SUGCT: variants seen among roughly 807,000 people sequenced by gnomAD.
The protein encoded by SUGCT is succinyl-CoA:glutarate CoA-transferase.
In SUGCT, 41 loss-of-function variants were observed where a neutral mutation model predicts 55.0. The ratio of observed to expected loss-of-function variants is 0.74; its 90% CI spans 0.58 to 0.97. The LOEUF is 0.97. Among genes scored for constraint, SUGCT ranks in the 50% least tolerant of loss-of-function variants. The pLI, the probability that SUGCT is intolerant of heterozygous loss-of-function variation, is 0.00. For missense variants in SUGCT, 568 were observed against 547.8 expected (o/e 1.04, Z -0.37); for synonymous variants, 187 against 200.4 (o/e 0.93, Z 0.56).
intron 11 of SUGCT, among the ~76,000 whole-genome samples, chr7:40,459,741 A>G (rs1789689755): frequency 6.6e-6 from 1 of 152,178 alleles, no homozygotes; most frequent in Admixed American, 6.5e-5. Context: ...CAGATGCCAC[A>G]TTGAGTTATG....
intron 12 of SUGCT, among the ~76,000 whole-genome samples, chr7:40,528,404 G>A (rs1378131841): frequency 6.6e-6 from 1 of 152,060 alleles, no homozygotes; most frequent in Non-Finnish European, 1.5e-5. Context: ...TTGAATATGT[G>A]ATATTTTGGT....
At chr7:40,319,963 A>G (rs555826252) in intron 9 of SUGCT, among the ~76,000 whole-genome samples, 18 of 151,890 alleles carry the variant, frequency 1.2e-4, no homozygotes, top group Admixed American at 4.6e-4. Flanking sequence ...CGGAGACTAC[A>G]GGTACCAGCC....
At chr7:41,031,136 A>G in the SUGCT span, among the ~76,000 whole-genome samples, 46 of 152,166 alleles carry the variant, frequency 3.0e-4, no homozygotes, top group Non-Finnish European at 3.5e-4. Context: ...TAATTTTTAA[A>G]TTTTGTGTAG....
intron 12 of SUGCT, among the ~76,000 whole-genome samples, chr7:40,566,081 T>C (rs1227267907): frequency 1.3e-5 from 2 of 152,056 alleles, no homozygotes; most frequent in African/African-American, 4.8e-5. Context: ...TCAGTGAATA[T>C]GTGTGTTTGT....
intron 12 of SUGCT, among the ~76,000 whole-genome samples, chr7:40,660,472 T>A (rs1228205271): frequency 6.6e-6 from 1 of 152,188 alleles, no homozygotes; most frequent in African/African-American, 2.4e-5. Context: ...TTGGTCAGGC[T>A]GGTCTCGAAC....
chr7:40,355,427 C>A (rs1458522384), intron 9 of SUGCT, among the ~76,000 whole-genome samples: 1 of 152,126 alleles, frequency 6.6e-6, no homozygotes, highest in Non-Finnish European at 1.5e-5. Flanking sequence ...ACCTTTTGGG[C>A]AATATTAACC....
At chr7:40,972,027 T>G in the SUGCT span, among the ~76,000 whole-genome samples, 1 of 152,246 alleles carries the variant, frequency 6.6e-6, no homozygotes, top group African/African-American at 2.4e-5. Context: ...GTTAACATTT[T>G]TCTTTTTTGG....
the SUGCT span, among the ~76,000 whole-genome samples, chr7:40,985,980 G>A: frequency 6.6e-6 from 1 of 152,292 alleles, no homozygotes; most frequent in Non-Finnish European, 1.5e-5. Flanking sequence ...AATAATTACA[G>A]TGTTTATTTT....
chr7:40,458,092 A>G lies in SUGCT; in HGVS notation c.889-1009A>G, dbSNP rs149017850. The stretch of plus-strand genomic sequence containing the variant: ...TGAGATGGTCTCTTTACTCAAGGGA[A>G]TCTTCTTCACTTCTCTGTCCTTTGT... On this transcript the variant is annotated intron_variant, in intron 10 of 13. Transcript: ENST00000335693. Among the ~76,000 whole-genome samples the G allele has an allele frequency of 9.3e-3, 1,423 of 152,364 alleles. 16 individuals are homozygous for G. The highest frequency in any genetic ancestry group is 0.02 in the Middle Eastern group (6 of 294).
In SUGCT at chr7:40,496,400, G is replaced by A. The variant is rs766093451; in HGVS notation, c.1089+14G>A. On this transcript the variant is annotated intron_variant, in intron 12 of 13. Coordinates refer to ENST00000335693, the MANE Select transcript of SUGCT (RefSeq NM_001193313.2). ...GCAGAACCTCAGGTTTGTTTTTGAA[G>A]TTTAACAACGCCTCTGTTTTCTGTC... is the stretch of plus-strand genomic sequence containing the variant. 6 of 1,548,034 alleles carry A rather than the reference G, an allele frequency of 3.9e-6. No individual in the cohort carries two copies. In the South Asian group the frequency reaches 6.8e-5, roughly 18 times the overall value.
chr7:40,926,015 G>T, the SUGCT span, among the ~76,000 whole-genome samples: 32 of 152,032 alleles, frequency 2.1e-4, no homozygotes, highest in African/African-American at 7.5e-4. Context: ...GATTGCTTGA[G>T]CCAGGAGTTT....
chr7:40,842,700 C>T (rs972030759), intron 13 of SUGCT, among the ~76,000 whole-genome samples: 1 of 152,132 alleles, frequency 6.6e-6, no homozygotes, highest in African/African-American at 2.4e-5. Flanking sequence ...TGTTCTTGAA[C>T]ACCTGTTTTT....
At chr7:40,563,219 T>G (rs1376831812) in intron 12 of SUGCT, among the ~76,000 whole-genome samples, 1 of 152,194 alleles carries the variant, frequency 6.6e-6, no homozygotes, top group Non-Finnish European at 1.5e-5. Flanking sequence ...TTCTGTCATG[T>G]CGTTCCATCC....
At chr7:40,378,274 C>T (rs1784704941) in intron 9 of SUGCT, among the ~76,000 whole-genome samples, 1 of 151,812 alleles carries the variant, frequency 6.6e-6, no homozygotes, top group East Asian at 1.9e-4. Context: ...GATTACGTTC[C>T]ACAGCTCTCT....
At chr7:40,540,622 C>A (rs749326385) in intron 12 of SUGCT, among the ~76,000 whole-genome samples, 9 of 152,218 alleles carry the variant, frequency 5.9e-5, no homozygotes, top group South Asian at 2.1e-4. Context: ...GCAAACAGGG[C>A]AGTTTTCTTA....
intron 12 of SUGCT, among the ~76,000 whole-genome samples, chr7:40,748,494 A>G (rs991564781): frequency 1.3e-4 from 20 of 151,682 alleles, no homozygotes; most frequent in African/African-American, 4.6e-4. Flanking sequence ...AATTTTTATT[A>G]TGGTGTTTAA....
chr7:40,381,660 T>C (rs1003681467), intron 9 of SUGCT, among the ~76,000 whole-genome samples: 1 of 152,090 alleles, frequency 6.6e-6, no homozygotes, highest in Admixed American at 6.6e-5. Context: ...GTAATGAAAC[T>C]TACTACATTA....
chr7:40,914,261 T>TTTTTTTTTTTC, the SUGCT span, among the ~76,000 whole-genome samples: 9 of 81,822 alleles, frequency 1.1e-4, no homozygotes, highest in South Asian at 5.7e-4. Flanking sequence ...ATTTTATTTA[T>TTTTTTTTTTTC]TTATTTTTTT....
chr7:40,719,858 C>T (rs1016561128), intron 12 of SUGCT, among the ~76,000 whole-genome samples: 4 of 152,060 alleles, frequency 2.6e-5, no homozygotes, highest in Admixed American at 1.3e-4. Flanking sequence ...TGCAGTGGCA[C>T]GATCTCGGTT....
Sources: allele counts gnomAD v4.1 joint callset (sites outside exome capture counted in the v4.1 genomes callset), GRCh38; gene constraint gnomAD v4.1.1; transcripts MANE v1.5; gene names NCBI Gene and HGNC (gene_info 2026-07-23, HGNC 2026-07-21).